The following IFT52 variants were observed in gnomAD, a reference collection of about 807,000 sequenced individuals.
IFT52 encodes intraflagellar transport protein 52 homolog.
IFT52 carries 44 observed loss-of-function variants against 54.4 expected under a neutral mutation model. That is an observed-to-expected ratio of 0.81 (90% confidence interval 0.63 to 1.04). The LOEUF (loss-of-function observed/expected upper bound fraction) is 1.04, where lower values mean the gene tolerates loss of function less well. IFT52 is among the 50% of genes least tolerant of loss of function. IFT52 has a pLI of 0.00. For synonymous variants in IFT52, 181 were observed against 185.3 expected (o/e 0.98, Z 0.19); for missense variants, 452 against 523.6 (o/e 0.86, Z 1.33).
intron 6 of IFT52, among the ~76,000 whole-genome samples, chr20:43,608,332 CT>C (rs1207027074): frequency 6.6e-6 from 1 of 152,120 alleles, no homozygotes; most frequent in Non-Finnish European, 1.5e-5. Flanking sequence ...GAGCACACAC[CT>C]TTTTCCTCTC....
intron 6 of IFT52, among the ~76,000 whole-genome samples, chr20:43,610,239 C>T (rs1424720726): frequency 6.8e-6 from 1 of 147,754 alleles, no homozygotes; most frequent in African/African-American, 2.5e-5. Context: ...GTGCGATGAG[C>T]CGAGATTGCA....
chr20:43,626,973 T>A (rs1254124975), intron 10 of IFT52, among the ~76,000 whole-genome samples: 1 of 152,038 alleles, frequency 6.6e-6, no homozygotes, highest in Non-Finnish European at 1.5e-5. Flanking sequence ...GAGACCAGCC[T>A]GGCCAACATG....
At position 43,623,925 on chromosome 20, in the gene IFT52, C is replaced by A. The variant is rs541874639; in HGVS notation, c.803C>A (p.Thr268Asn). ...SDYMMLPYTA[T>N]LSKRNRECLQ... ...TACATGATGCTGCCCTACACAGCCACCCTATCAAAGCGGAATCGAGAGTGT... is the reference window on the plus strand; with the variant it reads ...TACATGATGCTGCCCTACACAGCCAACCTATCAAAGCGGAATCGAGAGTGT... The change falls in exon 10 of 14, where the codon ACC becomes AAC. Residue 268 changes from threonine to asparagine, a missense_variant. Transcript: ENST00000373030. 4.3e-6 allele frequency: 7 copies of A among 1,614,156 alleles called. No homozygotes were observed. Among genetic ancestry groups the A allele is most frequent in the South Asian group, 1.1e-5 (1 of 91,078 alleles).
At chr20:43,596,349 G>A in intron 2 of IFT52, 86 bp from the exon 3 acceptor site, 1 of 819,172 alleles carries the variant, frequency 1.2e-6, no homozygotes, top group Admixed American at 2.5e-5. Flanking sequence ...TGTGGCCTCT[G>A]CTTCCAAATA....
intron 10 of IFT52, among the ~76,000 whole-genome samples, chr20:43,624,494 G>A (rs1984579873): frequency 6.6e-6 from 1 of 152,184 alleles, no homozygotes; most frequent in African/African-American, 2.4e-5. Flanking sequence ...TCTCAGTCTA[G>A]TGCGGATGTG....
chr20:43,625,505 C>CA (rs1017558652), intron 10 of IFT52, among the ~76,000 whole-genome samples: 86 of 141,074 alleles, frequency 6.1e-4, no homozygotes, highest in Admixed American at 9.2e-4. Context: ...GACTCCATCT[C>CA]AAAAAAAAAA....
chr20:43,646,799 C>T, intron 13 of IFT52, 137 bp from the exon 14 acceptor site: 1 of 745,298 alleles, frequency 1.3e-6, no homozygotes, highest in South Asian at 1.8e-5. Context: ...GGGTTGGATT[C>T]AGCCCTAAAG....
intron 3 of IFT52, among the ~76,000 whole-genome samples, chr20:43,601,702 A>C (rs1186376619): frequency 6.6e-6 from 1 of 152,200 alleles, no homozygotes; most frequent in Non-Finnish European, 1.5e-5. Flanking sequence ...TTCTGAGAAT[A>C]TATATTGCAA....
intron 13 of IFT52, among the ~76,000 whole-genome samples, chr20:43,643,174 C>CA (rs1321827777): frequency 2.3e-4 from 25 of 109,872 alleles, no homozygotes; most frequent in African/African-American, 7.6e-4. Context: ...CAAAAAAAAA[C>CA]AAAAAAACAA....
intron 10 of IFT52, among the ~76,000 whole-genome samples, chr20:43,633,267 C>T (rs113402174): frequency 0.013 from 1,996 of 152,000 alleles, 48 homozygotes; most frequent in African/African-American, 0.046. Context: ...TGCTTGAACC[C>T]GGAAGGCGGA....
chr20:43,643,063 A>G (rs572703605), intron 13 of IFT52, among the ~76,000 whole-genome samples: 1 of 152,026 alleles, frequency 6.6e-6, no homozygotes, highest in South Asian at 2.1e-4. Context: ...GCCACTCAGG[A>G]GGCTGAGGCA....
intron 9 of IFT52, among the ~76,000 whole-genome samples, chr20:43,623,122 T>C (rs1226487787): frequency 6.6e-6 from 1 of 152,174 alleles, no homozygotes; most frequent in Non-Finnish European, 1.5e-5. Context: ...CTTTCTTTCA[T>C]GATTTCCTCT....
intron 6 of IFT52, among the ~76,000 whole-genome samples, chr20:43,611,059 A>G (rs1487020762): frequency 6.6e-6 from 1 of 152,208 alleles, no homozygotes; most frequent in African/African-American, 2.4e-5. Flanking sequence ...AATTAATTAT[A>G]GTGAAGGGAA....
At chr20:43,602,535 A>T (rs1472107477) in intron 3 of IFT52, among the ~76,000 whole-genome samples, 1 of 151,720 alleles carries the variant, frequency 6.6e-6, no homozygotes, top group Non-Finnish European at 1.5e-5. Flanking sequence ...TTGAGATGGA[A>T]TCTTGCTCTG....
intron 6 of IFT52, among the ~76,000 whole-genome samples, chr20:43,610,865 C>G (rs938120298): frequency 6.6e-6 from 1 of 152,178 alleles, no homozygotes; most frequent in Admixed American, 6.5e-5. Flanking sequence ...TCCTGATTCC[C>G]TCTCTTACTT....
At chr20:43,641,927 G>T (rs1985949099) in intron 12 of IFT52, among the ~76,000 whole-genome samples, 1 of 152,064 alleles carries the variant, frequency 6.6e-6, no homozygotes, top group Admixed American at 6.6e-5. Flanking sequence ...CCGAGTAGCT[G>T]GGATTACAGG....
intron 6 of IFT52, among the ~76,000 whole-genome samples, chr20:43,607,009 C>T (rs1418481189): frequency 7.2e-5 from 11 of 152,336 alleles, no homozygotes; most frequent in African/African-American, 1.7e-4. Flanking sequence ...AGCAACCATC[C>T]GATTTCTCAA....
chr20:43,616,269 G>C (rs1275035926), intron 7 of IFT52, among the ~76,000 whole-genome samples: 1 of 152,116 alleles, frequency 6.6e-6, no homozygotes, highest in Non-Finnish European at 1.5e-5. Flanking sequence ...CACTTTGGGA[G>C]GTCAAGGCGG....
In IFT52 at chr20:43,614,895, G is replaced by A. The variant is rs1043876814; in HGVS notation, c.612+919G>A. 7.4e-5 allele frequency among the ~76,000 whole-genome samples: 11 copies of A among 148,892 alleles called. No individual in the cohort carries two copies. In the South Asian group the frequency reaches 8.5e-4, roughly 12 times the overall value. ...ATGATCTTGGCTCACTGCAACCTCCGCCTACCAGGTTCAAGCAATTCTCCT... is the reference window on the plus strand; with the variant it reads ...ATGATCTTGGCTCACTGCAACCTCCACCTACCAGGTTCAAGCAATTCTCCT... On this transcript the variant is annotated intron_variant, in intron 7 of 13. Coordinates refer to ENST00000373030, the MANE Select transcript of IFT52 (RefSeq NM_016004.5).
Sources: allele counts gnomAD v4.1 joint callset (sites outside exome capture counted in the v4.1 genomes callset), GRCh38; gene constraint gnomAD v4.1.1; transcripts MANE v1.5; gene names NCBI Gene and HGNC (gene_info 2026-07-23, HGNC 2026-07-21).